Variants in GATAD2A observed in about 807,000 individuals in gnomAD.
The protein encoded by GATAD2A is GATA zinc finger domain containing 2A, also known as transcriptional repressor p66-alpha.
Under a neutral mutation model 68.5 loss-of-function variants are expected in GATAD2A, and 12 were observed. That is an observed-to-expected ratio of 0.18 (90% CI 0.11 to 0.28). The LOEUF is 0.28. Among genes scored for constraint, GATAD2A ranks in the 10% least tolerant of loss-of-function variants. The pLI is 1.00. For synonymous variants in GATAD2A, 410 were observed against 375.3 expected (o/e 1.09, Z -1.07); for missense variants, 755 against 868.5 (o/e 0.87, Z 1.64).
intron 1 of GATAD2A, among the ~76,000 whole-genome samples, chr19:19,387,817 CCTTAA>C (rs2048551040): frequency 6.6e-6 from 1 of 152,092 alleles, no homozygotes. Context: ...GAGGTTTTCC[CCTTAA>C]CTTGAGATAT....
chr19:19,468,442 G>A (rs1019224186), intron 2 of GATAD2A, among the ~76,000 whole-genome samples: 1 of 152,216 alleles, frequency 6.6e-6, no homozygotes, highest in Non-Finnish European at 1.5e-5. Context: ...TACTTGAGGA[G>A]AAACTCATCC....
intron 1 of GATAD2A, among the ~76,000 whole-genome samples, chr19:19,412,068 ATCTC>A (rs67449967): frequency 2.5e-4 from 34 of 138,552 alleles, no homozygotes; most frequent in East Asian, 1.7e-3. Flanking sequence ...GCAATCCCCC[ATCTC>A]TCTCTCTCTC....
intron 1 of GATAD2A, among the ~76,000 whole-genome samples, chr19:19,421,155 G>C (rs1214029837): frequency 6.6e-6 from 1 of 152,190 alleles, no homozygotes; most frequent in East Asian, 1.9e-4. Flanking sequence ...TGGGGACAGA[G>C]ACAAGCAGGG....
Position 19,502,538 on chromosome 19 carries a change from C to A in GATAD2A, c.1774+12C>A. The A allele has an allele frequency of 6.3e-7, 1 of 1,590,936 alleles. No homozygotes were observed. Among genetic ancestry groups the A allele is most frequent in the Non-Finnish European group, 8.6e-7 (1 of 1,165,938 alleles). On this transcript the variant is annotated intron_variant, in intron 11 of 11. Transcript: ENST00000683918. ...GCCCCTCAGCACAGGTGGGTGACCT[C>A]CACAGGGCTCCCCAGGGGACCTGCC...
intron 1 of GATAD2A, among the ~76,000 whole-genome samples, chr19:19,429,539 G>A (rs1410473663): frequency 6.6e-6 from 1 of 151,988 alleles, no homozygotes; most frequent in East Asian, 2.0e-4. Context: ...AATTAAGGAG[G>A]GCCGTCTGGT....
intron 1 of GATAD2A, among the ~76,000 whole-genome samples, chr19:19,448,517 C>T (rs1233291090): frequency 1.3e-5 from 2 of 152,202 alleles, no homozygotes; most frequent in African/African-American, 4.8e-5. Context: ...GAGACGGAGT[C>T]TCTCTCTGTC....
intron 2 of GATAD2A, among the ~76,000 whole-genome samples, chr19:19,487,228 T>G (rs996235929): frequency 6.6e-6 from 1 of 152,218 alleles, no homozygotes; most frequent in African/African-American, 2.4e-5. Context: ...CCTTTGTTCA[T>G]CTGGTCCTGG....
At position 19,492,323 on chromosome 19, in the gene GATAD2A, G is replaced by C; in HGVS notation, c.287G>C (p.Arg96Thr). ...CCCCACAGTGACATGAAGTCCGAGA[G>C]GAGACCCCCCTCACCTGACGTGATT... ...RTSHSDMKSE[R>T]RPPSPDVIVL... Residue 96 changes from arginine (R) to threonine (T), a missense_variant, in exon 3 of 12, where the codon AGG (arginine) becomes ACG (threonine). Arg to Thr is a moderately conservative substitution (Grantham distance 71). Coordinates refer to ENST00000683918, the MANE Select transcript of GATAD2A (RefSeq NM_001384528.1). 6.2e-7 allele frequency: 1 copy of C among 1,605,876 alleles called. No individual in the cohort carries two copies. Among genetic ancestry groups the C allele is most frequent in the South Asian group, 1.1e-5 (1 of 89,546 alleles).
intron 1 of GATAD2A, among the ~76,000 whole-genome samples, chr19:19,438,470 C>T (rs1054266035): frequency 6.6e-6 from 1 of 152,220 alleles, no homozygotes; most frequent in Non-Finnish European, 1.5e-5. Context: ...TGAGTGACTG[C>T]CTCTTGTCCT....
chr19:19,420,419 C>T lies in GATAD2A; in HGVS notation c.-7+14400C>T, dbSNP rs1305745260. Among the ~76,000 whole-genome samples the T allele has an allele frequency of 2.7e-5, 4 of 148,782 alleles. No homozygotes were observed. The Admixed American group carries it at 2.7e-4, about 10-fold the overall frequency. On this transcript the variant is annotated intron_variant, in intron 1 of 11. Transcript: ENST00000683918. ...CGATCTCGGCTCACTGGAAGCTCTGCCTCCCAGGTTCCCGCCATTCTCCTG... is the reference window on the plus strand; with the variant it reads ...CGATCTCGGCTCACTGGAAGCTCTGTCTCCCAGGTTCCCGCCATTCTCCTG...
At chr19:19,418,309 C>T (rs544188080) in intron 1 of GATAD2A, among the ~76,000 whole-genome samples, 6 of 152,172 alleles carry the variant, frequency 3.9e-5, no homozygotes, top group African/African-American at 9.7e-5. Flanking sequence ...GAATTTGATC[C>T]GTCCTCGTGT....
intron 2 of GATAD2A, among the ~76,000 whole-genome samples, chr19:19,477,631 G>A (rs1355163384): frequency 6.6e-6 from 1 of 152,214 alleles, no homozygotes. Flanking sequence ...GGGATAGATT[G>A]TTGGATGCAG....
chr19:19,465,193 C>G (rs2057774242), intron 1 of GATAD2A, 147 bp from the exon 2 acceptor site: 5 of 671,296 alleles, frequency 7.4e-6, no homozygotes, highest in Non-Finnish European at 1.3e-5. Flanking sequence ...CCTGGGGATG[C>G]TTTTCTGGGC....
chr19:19,436,614 G>T (rs1164753234), intron 1 of GATAD2A, among the ~76,000 whole-genome samples: 5 of 152,220 alleles, frequency 3.3e-5, no homozygotes, highest in Admixed American at 3.3e-4. Flanking sequence ...GCCCCACACT[G>T]GTTCTTGGAG....
At chr19:19,461,478 G>C (rs903143878) in intron 1 of GATAD2A, among the ~76,000 whole-genome samples, 1 of 152,192 alleles carries the variant, frequency 6.6e-6, no homozygotes, top group Non-Finnish European at 1.5e-5. Flanking sequence ...TTTTGGAATT[G>C]TTCTAGAACA....
At chr19:19,455,082 T>C (rs2056803587) in intron 1 of GATAD2A, among the ~76,000 whole-genome samples, 1 of 152,152 alleles carries the variant, frequency 6.6e-6, no homozygotes, top group South Asian at 2.1e-4. Context: ...AAGCCAGGCA[T>C]GGTGGTATGT....
intron 1 of GATAD2A, among the ~76,000 whole-genome samples, chr19:19,417,880 G>A (rs16996085): frequency 0.076 from 11,525 of 152,174 alleles, 1,500 homozygotes; most frequent in African/African-American, 0.26. Flanking sequence ...CTGTTGGAGT[G>A]CCTTCCCTGC....
At chr19:19,443,101 A>G (rs576906019) in intron 1 of GATAD2A, among the ~76,000 whole-genome samples, 15 of 152,202 alleles carry the variant, frequency 9.9e-5, no homozygotes, top group Non-Finnish European at 1.8e-4. Context: ...AAATAGCCAC[A>G]TGTGGCTAAT....
upstream of GATAD2A, among the ~76,000 whole-genome samples, chr19:19,401,345 C>G (rs2049728083): frequency 1.3e-5 from 2 of 151,082 alleles, no homozygotes; most frequent in Non-Finnish European, 2.9e-5. Context: ...TCCCGAGTAG[C>G]TGGGACTACA....
Sources: allele counts gnomAD v4.1 joint callset (sites outside exome capture counted in the v4.1 genomes callset), GRCh38; gene constraint gnomAD v4.1.1; transcripts MANE v1.5; gene names NCBI Gene and HGNC (gene_info 2026-07-23, HGNC 2026-07-21).